The following CSMD1 variants were observed in gnomAD, a reference collection of about 807,000 sequenced individuals.
CSMD1 encodes the protein CUB and sushi domain-containing protein 1.
A neutral mutation model predicts 417.5 loss-of-function variants in CSMD1; 213 were observed. The observed-to-expected ratio is 0.51, with a 90% CI of 0.46 to 0.57. The LOEUF (loss-of-function observed/expected upper bound fraction) is 0.57, where lower values mean the gene tolerates loss of function less well. Ranked by LOEUF, CSMD1 falls within the 20% of genes least tolerant of loss-of-function variation. The pLI is 0.00. For missense variants in CSMD1, 6,923 were observed against 4,529.7 expected (o/e 1.53, Z -15.17); for synonymous variants, 2,862 against 1,736.8 (o/e 1.65, Z -16.11).
At chr8:4,315,821 C>T (rs1798891051) in intron 3 of CSMD1, among the ~76,000 whole-genome samples, 1 of 152,052 alleles carries the variant, frequency 6.6e-6, no homozygotes, top group African/African-American at 2.4e-5. Flanking sequence ...CTTTATTCTT[C>T]AGAAGCGTTT....
At chr8:4,861,185 C>T (rs1258875557) in intron 1 of CSMD1, among the ~76,000 whole-genome samples, 1 of 152,098 alleles carries the variant, frequency 6.6e-6, no homozygotes, top group Admixed American at 6.6e-5. Context: ...TAGATTCTGA[C>T]ATTTATCTCA....
intron 5 of CSMD1, among the ~76,000 whole-genome samples, chr8:3,919,775 T>C (rs769083929): frequency 1.3e-5 from 2 of 152,156 alleles, no homozygotes; most frequent in Non-Finnish European, 2.9e-5. Context: ...ACACAAGCTA[T>C]CTTTCCATTT....
chr8:3,603,474 C>A (rs779382809), intron 8 of CSMD1, among the ~76,000 whole-genome samples: 4 of 152,138 alleles, frequency 2.6e-5, no homozygotes, highest in Non-Finnish European at 5.9e-5. Flanking sequence ...CCCACTTTGT[C>A]CTCCTTCACC....
chr8:3,530,862 C>G (rs1797951238), intron 10 of CSMD1, among the ~76,000 whole-genome samples: 1 of 113,424 alleles, frequency 8.8e-6, no homozygotes, highest in Non-Finnish European at 2.1e-5. Flanking sequence ...CTCCTTTTTC[C>G]TATTTTTTTT....
chr8:3,965,610 TTTTA>T (rs59421208), intron 5 of CSMD1, among the ~76,000 whole-genome samples: 43 of 152,048 alleles, frequency 2.8e-4, no homozygotes, highest in African/African-American at 4.6e-4. Flanking sequence ...TAAAATTTCT[TTTTA>T]TTTATTTATT....
chr8:3,830,968 A>C (rs951979074), intron 5 of CSMD1, among the ~76,000 whole-genome samples: 2 of 152,162 alleles, frequency 1.3e-5, no homozygotes, highest in African/African-American at 4.8e-5. Context: ...ACCTAGGACG[A>C]TTAACACATG....
chr8:4,651,049 G>C (rs1585394287), intron 1 of CSMD1, among the ~76,000 whole-genome samples: 2 of 152,078 alleles, frequency 1.3e-5, no homozygotes, highest in South Asian at 2.1e-4. Context: ...GCAGTACAAA[G>C]GATCAAAACT....
intron 3 of CSMD1, among the ~76,000 whole-genome samples, chr8:4,141,123 G>C (rs1803764122): frequency 6.6e-6 from 1 of 151,130 alleles, no homozygotes; most frequent in Non-Finnish European, 1.5e-5. Flanking sequence ...ACTTACCTAT[G>C]TTTCCTCCAA....
At chr8:4,115,054 G>T (rs562368431) in intron 3 of CSMD1, among the ~76,000 whole-genome samples, 1 of 152,166 alleles carries the variant, frequency 6.6e-6, no homozygotes, top group Non-Finnish European at 1.5e-5. Context: ...AATTTTGAAA[G>T]AATTGCTACT....
intron 3 of CSMD1, among the ~76,000 whole-genome samples, chr8:4,387,030 T>C (rs9657396): frequency 0.48 from 73,616 of 151,992 alleles, 18,736 homozygotes; most frequent in Non-Finnish European, 0.57. Flanking sequence ...GAGTTTGAGA[T>C]ACATGGGGGA....
intron 41 of CSMD1, among the ~76,000 whole-genome samples, chr8:3,139,905 C>CTTT (rs56391105): frequency 7.9e-6 from 1 of 127,126 alleles, no homozygotes; most frequent in Non-Finnish European, 1.7e-5. Flanking sequence ...TTCTTTCTTT[C>CTTT]TTTTTTTTTT....
chr8:3,594,963 C>G (rs552250517), intron 8 of CSMD1, among the ~76,000 whole-genome samples: 1 of 152,320 alleles, frequency 6.6e-6, no homozygotes, highest in South Asian at 2.1e-4. Context: ...GTGGAAGAAG[C>G]CTCTGAACTG....
intron 38 of CSMD1, among the ~76,000 whole-genome samples, chr8:3,160,513 C>T (rs551955138): frequency 1.3e-5 from 2 of 152,340 alleles, no homozygotes; most frequent in South Asian, 4.1e-4. Context: ...TGGTTACAAA[C>T]TTACTGAGGT....
chr8:3,122,312 G>A (rs1280691395), intron 41 of CSMD1, among the ~76,000 whole-genome samples: 1 of 152,198 alleles, frequency 6.6e-6, no homozygotes, highest in Non-Finnish European at 1.5e-5. Context: ...GAATGTTCCA[G>A]TGCTGCTTTC....
intron 3 of CSMD1, among the ~76,000 whole-genome samples, chr8:4,114,487 C>T (rs187873308): frequency 1.4e-3 from 212 of 152,248 alleles, no homozygotes; most frequent in African/African-American, 4.8e-3. Context: ...TGTCTTCATG[C>T]CAGCTAATAA....
intron 25 of CSMD1, among the ~76,000 whole-genome samples, chr8:3,290,819 C>G (rs1053221456): frequency 1.3e-5 from 2 of 148,380 alleles, no homozygotes; most frequent in Non-Finnish European, 2.9e-5. Flanking sequence ...CTCTTTATTT[C>G]TTTCTCGTGC....
chr8:4,258,033 T>G (rs572510376), intron 3 of CSMD1, among the ~76,000 whole-genome samples: 26 of 151,990 alleles, frequency 1.7e-4, no homozygotes, highest in Non-Finnish European at 3.1e-4. Context: ...CTCACAGCTG[T>G]GGAAGGGGGA....
At chr8:3,629,523 A>C (rs1352764279) in intron 7 of CSMD1, among the ~76,000 whole-genome samples, 1 of 152,208 alleles carries the variant, frequency 6.6e-6, no homozygotes, top group Non-Finnish European at 1.5e-5. Context: ...CGTTACAGCA[A>C]ATATCAGCTC....
chr8:4,052,530 G>A (rs1332180711), intron 3 of CSMD1, among the ~76,000 whole-genome samples: 1 of 152,044 alleles, frequency 6.6e-6, no homozygotes, highest in Non-Finnish European at 1.5e-5. Context: ...TAGTTTGCTA[G>A]AACGTCAATG....
Sources: allele counts gnomAD v4.1 joint callset (sites outside exome capture counted in the v4.1 genomes callset), GRCh38; gene constraint gnomAD v4.1.1; transcripts MANE v1.5; gene names NCBI Gene and HGNC (gene_info 2026-07-23, HGNC 2026-07-21).